The following SIPA1L1 variants were observed in gnomAD, a reference collection of about 807,000 sequenced individuals.
SIPA1L1 encodes the protein signal-induced proliferation-associated 1-like protein 1.
SIPA1L1 carries 26 observed loss-of-function variants against 162.7 expected under a neutral mutation model. The ratio of observed to expected loss-of-function variants is 0.16; its 90% CI spans 0.12 to 0.22. SIPA1L1 has a LOEUF of 0.22. Ranked by LOEUF, SIPA1L1 falls within the 10% of genes least tolerant of loss-of-function variation. SIPA1L1 has a pLI of 1.00. For synonymous variants in SIPA1L1, 829 were observed against 837.4 expected, an observed-to-expected ratio of 0.99 and a Z score of 0.17; for missense variants, 1,874 against 2,241.0, an observed-to-expected ratio of 0.84 and a Z score of 3.31.
intron 2 of SIPA1L1, among the ~76,000 whole-genome samples, chr14:71,370,518 C>T (rs753814193): frequency 1.3e-5 from 2 of 152,118 alleles, no homozygotes; most frequent in African/African-American, 4.8e-5. Context: ...TTAAGTGTAA[C>T]TCCTTTAGTG....
intron 2 of SIPA1L1, among the ~76,000 whole-genome samples, chr14:71,349,123 C>T (rs1217563670): frequency 6.6e-6 from 1 of 152,164 alleles, no homozygotes; most frequent in Non-Finnish European, 1.5e-5. Context: ...GAAATGAAGA[C>T]TCAAAGACCC....
At chr14:71,676,148 G>A (rs2045148482) in intron 12 of SIPA1L1, among the ~76,000 whole-genome samples, 3 of 148,962 alleles carry the variant, frequency 2.0e-5, no homozygotes, top group Admixed American at 1.3e-4. Flanking sequence ...AAAAAAATTA[G>A]GGGGGCGTGC....
intron 2 of SIPA1L1, among the ~76,000 whole-genome samples, chr14:71,353,408 A>G (rs141114061): frequency 1.7e-3 from 252 of 152,326 alleles, no homozygotes; most frequent in Middle Eastern, 6.8e-3. Flanking sequence ...CCAGGTGCCT[A>G]GAAGGACATG....
intron 2 of SIPA1L1, among the ~76,000 whole-genome samples, chr14:71,394,800 G>C (rs1157671824): frequency 6.6e-6 from 1 of 152,234 alleles, no homozygotes; most frequent in African/African-American, 2.4e-5. Flanking sequence ...ACCTGCTACT[G>C]ACTTCGCCTG....
At position 71,730,176 on chromosome 14, in the gene SIPA1L1, C is replaced by G; in HGVS notation, c.4736C>G (p.Ser1579Cys). The G allele has an allele frequency of 6.2e-7, 1 of 1,614,162 alleles. No homozygotes were observed. Among genetic ancestry groups the G allele is most frequent in the Non-Finnish European group, 8.5e-7 (1 of 1,180,028 alleles). The change falls in exon 20 of 24, where the codon TCC becomes TGC. Residue 1579 changes from serine to cysteine, a missense_variant. Coordinates refer to ENST00000381232, the MANE Select transcript of SIPA1L1 (RefSeq NM_001386936.1). ...YNSQREHFFT[S>C]RASLLDQALP... Reference sequence around the variant, plus strand: ...AGCCAGAGGGAGCACTTTTTCACCTCCAGGGCGTCACTTCTGGACCAAGCC... The same window carrying G: ...AGCCAGAGGGAGCACTTTTTCACCTGCAGGGCGTCACTTCTGGACCAAGCC...
intron 2 of SIPA1L1, among the ~76,000 whole-genome samples, chr14:71,419,443 G>A (rs1244004878): frequency 7.5e-6 from 1 of 133,846 alleles, no homozygotes; most frequent in African/African-American, 2.8e-5. Flanking sequence ...GCCCACACCT[G>A]TAATCCTGTA....
chr14:71,436,567 T>C (rs567903261), intron 2 of SIPA1L1, among the ~76,000 whole-genome samples: 34 of 152,244 alleles, frequency 2.2e-4, no homozygotes, highest in African/African-American at 7.5e-4. Flanking sequence ...CTTTTTAGAA[T>C]GTTTGTTGTA....
At chr14:71,672,236 C>A in intron 11 of SIPA1L1, 112 bp from the exon 12 acceptor site, 1 of 1,012,608 alleles carries the variant, frequency 9.9e-7, no homozygotes, top group Non-Finnish European at 1.5e-6. Context: ...TGCTCTTCAG[C>A]TGGCAATAAG....
chr14:71,636,042 G>A, intron 7 of SIPA1L1, among the ~76,000 whole-genome samples: 1 of 152,032 alleles, frequency 6.6e-6, no homozygotes, highest in East Asian at 1.9e-4. Context: ...GCATCAAACA[G>A]AGCTGTAAAT....
At chr14:71,697,148 G>A (rs2081698090) in intron 13 of SIPA1L1, among the ~76,000 whole-genome samples, 1 of 152,194 alleles carries the variant, frequency 6.6e-6, no homozygotes, top group South Asian at 2.1e-4. Flanking sequence ...TGATGGAAGA[G>A]GGTGGGTTGG....
At chr14:71,735,041 AG>A (rs775837473) in intron 21 of SIPA1L1, among the ~76,000 whole-genome samples, 27 of 152,322 alleles carry the variant, frequency 1.8e-4, no homozygotes, top group Middle Eastern at 3.4e-3. Context: ...AGCAGGGAAG[AG>A]GGGGGACTAG....
chr14:71,707,096 A>AT (rs1373213036), intron 16 of SIPA1L1, among the ~76,000 whole-genome samples: 1 of 151,462 alleles, frequency 6.6e-6, no homozygotes, highest in Non-Finnish European at 1.5e-5. Context: ...GCCAATGAAG[A>AT]GCCTGCTCCT....
intron 3 of SIPA1L1, among the ~76,000 whole-genome samples, chr14:71,526,377 G>A (rs565650606): frequency 6.6e-6 from 1 of 152,108 alleles, no homozygotes; most frequent in Admixed American, 6.5e-5. Context: ...ACACTCAGTG[G>A]AAACTATTAT....
chr14:71,612,140 G>A (rs534635445), intron 5 of SIPA1L1, among the ~76,000 whole-genome samples: 1 of 152,130 alleles, frequency 6.6e-6, no homozygotes, highest in South Asian at 2.1e-4. Context: ...ATTGACTTAT[G>A]GTGTTTTTTT....
intron 2 of SIPA1L1, among the ~76,000 whole-genome samples, chr14:71,426,666 A>G (rs2043591890): frequency 1.3e-5 from 2 of 151,400 alleles, no homozygotes; most frequent in South Asian, 2.1e-4. Flanking sequence ...ATTTTTTTGT[A>G]TTTTTAGTAT....
At chr14:71,370,910 G>A (rs2038826892) in intron 2 of SIPA1L1, among the ~76,000 whole-genome samples, 1 of 152,040 alleles carries the variant, frequency 6.6e-6, no homozygotes, top group South Asian at 2.1e-4. Flanking sequence ...AGCAGAAATA[G>A]TCCAGGCTCT....
intron 2 of SIPA1L1, among the ~76,000 whole-genome samples, chr14:71,406,107 T>C (rs1472649411): frequency 1.3e-5 from 2 of 152,084 alleles, no homozygotes; most frequent in South Asian, 2.1e-4. Context: ...TAAGATGGTC[T>C]TTGGGAGGTA....
intron 5 of SIPA1L1, among the ~76,000 whole-genome samples, chr14:71,613,123 A>G (rs113780802): frequency 4.1e-4 from 62 of 152,340 alleles, no homozygotes; most frequent in African/African-American, 1.4e-3. Flanking sequence ...GTCTCGTCTG[A>G]CTAGATAAAT....
rs2033688475 is a variant in SIPA1L1, at chr14:71,325,502, AAC to A, written c.-465+4322_-465+4323del. 2.0e-5 allele frequency among the ~76,000 whole-genome samples: 3 copies of A among 152,308 alleles called. No individual in the cohort carries two copies. The South Asian group carries it at 6.2e-4, about 32-fold the overall frequency. ...GGTTTGTGATCATGAGGGTACAAAA[AAC>A]CATCAGGGCAGATCTTTTAATGGTA... On this transcript the variant is annotated intron_variant, in intron 2 of 23. Coordinates refer to ENST00000381232, the MANE Select transcript of SIPA1L1 (RefSeq NM_001386936.1).
Sources: allele counts gnomAD v4.1 joint callset (sites outside exome capture counted in the v4.1 genomes callset), GRCh38; gene constraint gnomAD v4.1.1; transcripts MANE v1.5; gene names NCBI Gene and HGNC (gene_info 2026-07-23, HGNC 2026-07-21).